JMJD1C: variants seen among roughly 807,000 people sequenced by gnomAD.
JMJD1C encodes the protein jumonji domain-containing protein 1C.
JMJD1C carries 31 observed loss-of-function variants against 245.3 expected under a neutral mutation model. The observed-to-expected ratio is 0.13, with a 90% CI of 0.09 to 0.17. The LOEUF is 0.17. Among genes scored for constraint, JMJD1C ranks in the 10% least tolerant of loss-of-function variants. The probability of loss-of-function intolerance (pLI) is 1.00; values close to 1 mark genes in which losing one functional copy is unlikely to be tolerated. For missense variants in JMJD1C, 2,691 were observed against 3,000.2 expected (o/e 0.90, Z 2.41); for synonymous variants, 1,057 against 1,017.4 (o/e 1.04, Z -0.74).
intron 1 of JMJD1C, among the ~76,000 whole-genome samples, chr10:63,385,678 T>A (rs1197898271): frequency 6.6e-6 from 1 of 151,978 alleles, no homozygotes; most frequent in African/African-American, 2.4e-5. Context: ...ACTCCTGGCC[T>A]CAAGCAATCC....
chr10:63,460,473 C>CT (rs1952712177), intron 1 of JMJD1C, among the ~76,000 whole-genome samples: 1 of 152,132 alleles, frequency 6.6e-6, no homozygotes, highest in African/African-American at 2.4e-5. Flanking sequence ...GAGCAATGAT[C>CT]ACACCACTGC....
chr10:63,304,090 A>G lies in JMJD1C; in HGVS notation c.334-39326T>C, dbSNP rs796170444. Among the ~76,000 whole-genome samples, 8 of 152,144 alleles carry G rather than the reference A, an allele frequency of 5.3e-5. 1 individual carries two copies. The highest frequency in any genetic ancestry group is 1.9e-4 in the African/African-American group (8 of 41,490). On this transcript the variant is annotated intron_variant, in intron 2 of 25. Transcript: ENST00000399262. Reference sequence around the variant, plus strand: ...TCTGAGCAAGGACTTTGCCTTACTTATCTTTGTATTCCTGGCAGTATCTTT... The same window carrying G: ...TCTGAGCAAGGACTTTGCCTTACTTGTCTTTGTATTCCTGGCAGTATCTTT...
chr10:63,390,966 A>T (rs1319051295), intron 1 of JMJD1C, among the ~76,000 whole-genome samples: 2 of 152,184 alleles, frequency 1.3e-5, no homozygotes, highest in Non-Finnish European at 2.9e-5. Context: ...CTTCACTCCT[A>T]TCCAACATAA....
rs1564870776 is a variant in JMJD1C, at chr10:63,392,880, AC to A, written c.169-12399del. 2.6e-4 allele frequency among the ~76,000 whole-genome samples: 39 copies of A among 148,810 alleles called. 2 individuals are homozygous for A. The highest frequency in any genetic ancestry group is 1.7e-3 in the Admixed American group (25 of 14,968). On this transcript the variant is annotated intron_variant, in intron 1 of 25. Transcript: ENST00000399262. ...AAAAAGTACATAAACACACACACACACACACACACACACACACACACACACA... is the reference window on the plus strand; with the variant it reads ...AAAAAGTACATAAACACACACACACAACACACACACACACACACACACACA...
At chr10:63,414,941 A>AG (rs1009405498) in intron 1 of JMJD1C, among the ~76,000 whole-genome samples, 11 of 151,740 alleles carry the variant, frequency 7.2e-5, no homozygotes, top group Non-Finnish European at 1.3e-4. Context: ...CACTAGAGAA[A>AG]AAAAAAAAAC....
intron 13 of JMJD1C, 87 bp from the exon 14 acceptor site, chr10:63,194,462 G>A: frequency 1.1e-6 from 1 of 870,748 alleles, no homozygotes; most frequent in Non-Finnish European, 1.8e-6. Context: ...TATATAAAAT[G>A]TTTCATAGTT....
At chr10:63,184,872 A>G (rs774443092) in intron 20 of JMJD1C, 134 bp from the exon 21 acceptor site, 3 of 758,550 alleles carry the variant, frequency 4.0e-6, no homozygotes, top group Non-Finnish European at 6.2e-6. Context: ...CCTTGACTCA[A>G]GTGATACTGA....
intron 18 of JMJD1C, among the ~76,000 whole-genome samples, chr10:63,187,119 GA>G (rs887237102): frequency 5.9e-5 from 9 of 151,748 alleles, no homozygotes; most frequent in Non-Finnish European, 1.2e-4. Context: ...TCTCTAGCTA[GA>G]TTTTTTTTTT....
In JMJD1C at chr10:63,189,142, GTTCT is replaced by G. The variant is rs771077853; in HGVS notation, c.6570+22_6570+25del. 1.4e-5 allele frequency: 22 copies of G among 1,567,036 alleles called. No homozygotes were observed. The Admixed American group carries it at 2.1e-4, about 15-fold the overall frequency. ...AATAAGCTTCAGTTCCACCAAGAGTGTTCTTTATCAGCCTAAAATACACACCTGT... is the reference window on the plus strand; with the variant it reads ...AATAAGCTTCAGTTCCACCAAGAGTGTTATCAGCCTAAAATACACACCTGT... On this transcript the variant is annotated intron_variant, in intron 18 of 25. Coordinates refer to ENST00000399262, the MANE Select transcript of JMJD1C (RefSeq NM_032776.3).
intron 2 of JMJD1C, among the ~76,000 whole-genome samples, chr10:63,300,562 G>T (rs140493475): frequency 6.6e-6 from 1 of 152,214 alleles, no homozygotes; most frequent in African/African-American, 2.4e-5. Context: ...GAACAGCAGA[G>T]AATTACTTTT....
At chr10:63,204,798 T>C (rs2133121719) in intron 10 of JMJD1C, 2 of 985,472 alleles carry the variant, frequency 2.0e-6, no homozygotes, top group African/African-American at 1.7e-5. Context: ...TTTCTGACTG[T>C]CCTTTTCTAT....
chr10:63,480,323 ATT>A (rs35705943), intron 1 of JMJD1C, among the ~76,000 whole-genome samples: 140 of 145,912 alleles, frequency 9.6e-4, no homozygotes, highest in Non-Finnish European at 1.3e-3. Flanking sequence ...CTATAGTTTG[ATT>A]TTTTTTTTTT....
intron 1 of JMJD1C, among the ~76,000 whole-genome samples, chr10:63,433,519 A>C (rs1485321328): frequency 2.0e-5 from 3 of 151,852 alleles, no homozygotes; most frequent in Non-Finnish European, 1.5e-5. Flanking sequence ...GATAATATTC[A>C]TATCTCCTCA....
At chr10:63,461,108 G>A (rs536440545) in intron 1 of JMJD1C, among the ~76,000 whole-genome samples, 93 of 152,234 alleles carry the variant, frequency 6.1e-4, no homozygotes, top group Non-Finnish European at 1.1e-3. Flanking sequence ...GGTAGTAACT[G>A]CACGAGTTTA....
intron 1 of JMJD1C, among the ~76,000 whole-genome samples, chr10:63,495,132 T>C: frequency 6.6e-6 from 1 of 152,118 alleles, no homozygotes; most frequent in East Asian, 1.9e-4. Flanking sequence ...ATTGAAAAGC[T>C]AAGCAACAAT....
chr10:63,445,536 G>A (rs1166056460), intron 1 of JMJD1C, among the ~76,000 whole-genome samples: 3 of 152,136 alleles, frequency 2.0e-5, no homozygotes, highest in African/African-American at 4.8e-5. Context: ...AGATAATGTC[G>A]ATGTGGAATG....
chr10:63,203,085 T>C, intron 10 of JMJD1C: 1 of 985,174 alleles, frequency 1.0e-6, no homozygotes, highest in Non-Finnish European at 1.2e-6. Flanking sequence ...AGAGCTTTTT[T>C]TCAATAAAAG....
intron 1 of JMJD1C, among the ~76,000 whole-genome samples, chr10:63,478,574 C>G (rs1953732361): frequency 6.6e-6 from 1 of 152,172 alleles, no homozygotes; most frequent in Admixed American, 6.5e-5. Flanking sequence ...CTGTTAATTA[C>G]ACTAAAATGA....
chr10:63,388,095 C>T (rs1450313243), intron 1 of JMJD1C, among the ~76,000 whole-genome samples: 2 of 152,136 alleles, frequency 1.3e-5, no homozygotes, highest in East Asian at 3.9e-4. Flanking sequence ...ATGAAAACTT[C>T]GCAAGGCTGG....
Sources: allele counts gnomAD v4.1 joint callset (sites outside exome capture counted in the v4.1 genomes callset), GRCh38; gene constraint gnomAD v4.1.1; transcripts MANE v1.5; gene names NCBI Gene and HGNC (gene_info 2026-07-23, HGNC 2026-07-21).